GARIN2: variants seen among roughly 807,000 people sequenced by gnomAD.
GARIN2 encodes the protein golgi associated RAB2 interactor family member 2, also known as Golgi-associated RAB2 interactor protein 2.
the GARIN2 span, among the ~76,000 whole-genome samples, chr14:67,224,291 C>G: frequency 6.9e-6 from 1 of 144,896 alleles, no homozygotes; most frequent in East Asian, 2.1e-4. Context: ...CAGAGTCTTA[C>G]TCTGTCGCCC....
chr14:67,193,528 G>A, the GARIN2 span, among the ~76,000 whole-genome samples: 10 of 139,706 alleles, frequency 7.2e-5, no homozygotes, highest in Non-Finnish European at 1.4e-4. Context: ...TCTAGATATA[G>A]ATCTATAGAA....
the GARIN2 span, chr14:67,225,070 A>G: frequency 1.3e-6 from 2 of 1,492,978 alleles, no homozygotes; most frequent in Non-Finnish European, 1.8e-6. Flanking sequence ...CTTCCTCTCT[A>G]TTGATCTCTC....
At chr14:67,195,880 T>A in the GARIN2 span, among the ~76,000 whole-genome samples, 3 of 151,842 alleles carry the variant, frequency 2.0e-5, no homozygotes, top group Non-Finnish European at 2.9e-5. Context: ...AGTGGGCCTA[T>A]ATTGAGAGAC....
At chr14:67,225,112 C>A in the GARIN2 span, 1 of 1,563,662 alleles carries the variant, frequency 6.4e-7, no homozygotes, top group Admixed American at 1.9e-5. Context: ...TCTTTTTTCC[C>A]TCTAGTTCTC....
At chr14:67,223,613 C>A in the GARIN2 span, 2 of 575,590 alleles carry the variant, frequency 3.5e-6, no homozygotes, top group Non-Finnish European at 4.4e-6. Flanking sequence ...CTTGTTAAAT[C>A]ACAAGGGTGG....
At chr14:67,192,416 G>A in the GARIN2 span, among the ~76,000 whole-genome samples, 3 of 151,716 alleles carry the variant, frequency 2.0e-5, no homozygotes, top group Admixed American at 2.0e-4. Flanking sequence ...CAATCAACAT[G>A]TATTTTTGAG....
chr14:67,193,338 A>ATATCTATATATC, the GARIN2 span, among the ~76,000 whole-genome samples: 1 of 138,068 alleles, frequency 7.2e-6, no homozygotes, highest in African/African-American at 2.6e-5. Context: ...CTCTATATAG[A>ATATCTATATATC]TATCTATCTA....
chr14:67,201,375 C>G, the GARIN2 span: 1 of 446,966 alleles, frequency 2.2e-6, no homozygotes, highest in East Asian at 7.0e-5. Context: ...CCCAGGGCAT[C>G]AGCTCACTCC....
chr14:67,198,162 A>G, the GARIN2 span: 9 of 1,607,586 alleles, frequency 5.6e-6, no homozygotes, highest in South Asian at 6.7e-5. Context: ...TGCAAGCGCA[A>G]TGAAGAAGAA....
chr14:67,196,663 T>C, the GARIN2 span: 2 of 152,234 alleles, frequency 1.3e-5, no homozygotes, highest in South Asian at 4.1e-4. Context: ...AATATCCTCA[T>C]TGGCCATAGG....
the GARIN2 span, chr14:67,223,940 A>C: frequency 2.0e-6 from 2 of 985,338 alleles, no homozygotes; most frequent in Non-Finnish European, 2.4e-6. Flanking sequence ...CAAATTAAAA[A>C]TGAGTCCGTA....
At chr14:67,209,184 G>C in the GARIN2 span, among the ~76,000 whole-genome samples, 1 of 152,152 alleles carries the variant, frequency 6.6e-6, no homozygotes, top group Non-Finnish European at 1.5e-5. Context: ...TAGGCATTGG[G>C]GATACAGCAG....
chr14:67,198,365 A>T, the GARIN2 span: 9 of 1,545,638 alleles, frequency 5.8e-6, no homozygotes, highest in Non-Finnish European at 8.0e-6. Flanking sequence ...TAACTTCAGT[A>T]ATTTTCTCAA....
At chr14:67,194,361 G>GAA in the GARIN2 span, among the ~76,000 whole-genome samples, 2 of 117,882 alleles carry the variant, frequency 1.7e-5, no homozygotes, top group African/African-American at 3.1e-5. Flanking sequence ...AAGACCTGTA[G>GAA]AAAAAAAAAA....
chr14:67,221,755 G>A, the GARIN2 span: 1 of 1,612,100 alleles, frequency 6.2e-7, no homozygotes, highest in African/African-American at 1.3e-5. Context: ...GCAAATTTTT[G>A]AGATGTGCTA....
At chr14:67,208,460 C>T in the GARIN2 span, 3 of 1,608,826 alleles carry the variant, frequency 1.9e-6, no homozygotes, top group South Asian at 3.4e-5. Flanking sequence ...GTATGTGAGG[C>T]AGGAACATGC....
chr14:67,203,212 C>A, the GARIN2 span: 1 of 1,613,852 alleles, frequency 6.2e-7, no homozygotes, highest in Non-Finnish European at 8.5e-7. Flanking sequence ...GCCCATCTGA[C>A]ACCTGGTGCC....
At chr14:67,215,395 A>G in the GARIN2 span, among the ~76,000 whole-genome samples, 4 of 144,940 alleles carry the variant, frequency 2.8e-5, no homozygotes, top group East Asian at 8.7e-4. Flanking sequence ...TCCCCAGAAC[A>G]CTGATCTATT....
the GARIN2 span, among the ~76,000 whole-genome samples, chr14:67,196,273 T>C: frequency 7.9e-5 from 12 of 151,558 alleles, no homozygotes; most frequent in South Asian, 2.5e-3. Context: ...CTGCAGTGCA[T>C]TGGCACAGTC....
Sources: gnomAD v4.1 joint callset for allele counts (sites outside exome capture counted in the v4.1 genomes callset) on GRCh38, gnomAD v4.1.1 for gene constraint, MANE v1.5 for transcripts, NCBI Gene and HGNC (gene_info 2026-07-23, HGNC 2026-07-21) for gene names.